Variants in EPG5 observed in about 807,000 individuals in gnomAD.
The protein encoded by EPG5 is ectopic P-granules 5 autophagy tethering factor.
EPG5 carries 159 observed loss-of-function variants against 302.7 expected under a neutral mutation model. The observed-to-expected ratio is 0.53, with a 90% CI of 0.46 to 0.60. EPG5 has a LOEUF of 0.60. EPG5 is among the 20% of genes least tolerant of loss of function. EPG5 has a pLI of 0.00. For synonymous variants in EPG5, 1,158 were observed against 1,136.8 expected, an observed-to-expected ratio of 1.02 and a Z score of -0.37; for missense variants, 2,896 against 3,092.4, an observed-to-expected ratio of 0.94 and a Z score of 1.51.
intron 1 of EPG5, among the ~76,000 whole-genome samples, chr18:45,963,263 G>A (rs756852791): frequency 7.2e-5 from 11 of 152,214 alleles, no homozygotes; most frequent in East Asian, 1.9e-4. Flanking sequence ...ACGAAGTACT[G>A]TTTAGCTGAC....
intron 42 of EPG5, among the ~76,000 whole-genome samples, chr18:45,856,285 C>A (rs758517560): frequency 2.6e-5 from 4 of 152,228 alleles, no homozygotes; most frequent in Non-Finnish European, 4.4e-5. Context: ...TGAAAAAAGT[C>A]CAACATAAGG....
intron 7 of EPG5, among the ~76,000 whole-genome samples, 170 bp from the exon 8 acceptor site, chr18:45,944,289 C>G (rs1468151715): frequency 6.6e-6 from 1 of 152,172 alleles, no homozygotes; most frequent in Non-Finnish European, 1.5e-5. Flanking sequence ...GTTCCACAGA[C>G]AGTTACACAG....
rs2049966737 is a variant in EPG5 at position 45,913,811 on chromosome 18, T to C, written c.3711A>G (p.Thr1237=). The C allele has an allele frequency of 1.2e-6, 2 of 1,614,086 alleles. No homozygotes were observed. The highest frequency in any genetic ancestry group is 1.7e-6 in the Non-Finnish European group (2 of 1,179,986). Residue 1237 remains threonine (T), a synonymous_variant, in exon 21 of 44, where the codon ACA becomes ACG. Coordinates refer to ENST00000282041, the MANE Select transcript of EPG5 (RefSeq NM_020964.3). The part of the protein sequence containing the change: ...ATPTQVWFAW[T]VLNMESIFEE... ...CAAAGATGGATTCCATGTTGAGCAC[T>C]GTCCAGGCAAACCAGACCTATAATG...
At chr18:45,950,891 AT>A (rs1374322088) in intron 4 of EPG5, among the ~76,000 whole-genome samples, 1 of 152,206 alleles carries the variant, frequency 6.6e-6, no homozygotes, top group Non-Finnish European at 1.5e-5. Flanking sequence ...ATTTAGCATA[AT>A]CTTTACTAGA....
At chr18:45,916,661 C>A (rs1417656865) in intron 17 of EPG5, 79 bp from the exon 18 acceptor site, 2 of 1,411,494 alleles carry the variant, frequency 1.4e-6, no homozygotes, top group Non-Finnish European at 1.9e-6. Flanking sequence ...TATGAGGAAA[C>A]AGAAAATTCC....
chr18:45,842,192 T>C, the EPG5 span: 1 of 1,613,372 alleles, frequency 6.2e-7, no homozygotes, highest in Non-Finnish European at 8.5e-7. Flanking sequence ...CCGTGAGGAG[T>C]CCCTCAGCCA....
chr18:45,929,135 C>T, intron 12 of EPG5, 126 bp from the exon 13 acceptor site: 1 of 950,736 alleles, frequency 1.1e-6, no homozygotes, highest in Non-Finnish European at 1.5e-6. Context: ...ACACTATGTT[C>T]CAAAAAATGT....
At chr18:45,815,502 A>G in the EPG5 span, among the ~76,000 whole-genome samples, 2 of 152,204 alleles carry the variant, frequency 1.3e-5, no homozygotes, top group Non-Finnish European at 2.9e-5. Context: ...ACAGCAACCA[A>G]GCAGAGAATC....
chr18:45,842,183 C>A, the EPG5 span: 1 of 1,613,976 alleles, frequency 6.2e-7, no homozygotes. Flanking sequence ...ATGTGCTCAC[C>A]GTGAGGAGTC....
At chr18:45,956,517 C>T (rs762377939) in intron 1 of EPG5, among the ~76,000 whole-genome samples, 4 of 151,614 alleles carry the variant, frequency 2.6e-5, no homozygotes, top group Non-Finnish European at 5.9e-5. Flanking sequence ...AGTGCAGTCA[C>T]GCAATCTCGG....
chr18:45,949,200 C>T (rs755463642), intron 5 of EPG5, among the ~76,000 whole-genome samples: 1 of 152,078 alleles, frequency 6.6e-6, no homozygotes, highest in Non-Finnish European at 1.5e-5. Flanking sequence ...GAAAAAAGTC[C>T]TGGTGAGCCT....
At position 45,922,574 on chromosome 18, in the gene EPG5, T is replaced by C. The variant is rs199541208; in HGVS notation, c.2865A>G (p.Arg955=). The C allele has an allele frequency of 2.5e-6, 4 of 1,614,104 alleles. No individual in the cohort carries two copies. Among genetic ancestry groups the C allele is most frequent in the Non-Finnish European group, 3.4e-6 (4 of 1,180,050 alleles). ...ATGAGGTCTCGGGTGTCTCTCCATA[T>C]CGAACAATACTGGCCAAATATGAAA... ...KQVSYLASIV[R]YGETPETSFN... The change falls in exon 16 of 44, where the codon CGA becomes CGG. Residue 955 remains arginine (R), a synonymous_variant. Coordinates refer to ENST00000282041, the MANE Select transcript of EPG5 (RefSeq NM_020964.3).
intron 30 of EPG5, among the ~76,000 whole-genome samples, chr18:45,883,080 TAGA>T: frequency 6.6e-6 from 1 of 152,156 alleles, no homozygotes; most frequent in East Asian, 1.9e-4. Flanking sequence ...TGTTACTATC[TAGA>T]ATCTCAGAGG....
At chr18:45,917,047 T>A (rs2050049060) in intron 17 of EPG5, among the ~76,000 whole-genome samples, 1 of 152,188 alleles carries the variant, frequency 6.6e-6, no homozygotes, top group South Asian at 2.1e-4. Flanking sequence ...GAATCCATAT[T>A]TAATAAGCTC....
chr18:45,930,026 G>A (rs900418557), intron 12 of EPG5, among the ~76,000 whole-genome samples: 4 of 152,156 alleles, frequency 2.6e-5, no homozygotes, highest in Admixed American at 6.5e-5. Context: ...AAATGTGCAA[G>A]GCTTTTTAAA....
At chr18:45,925,152 A>C (rs1034860364) in intron 14 of EPG5, among the ~76,000 whole-genome samples, 1 of 152,206 alleles carries the variant, frequency 6.6e-6, no homozygotes, top group African/African-American at 2.4e-5. Flanking sequence ...AATTAGGAGA[A>C]ACTAAAGTAA....
the EPG5 span, chr18:45,837,057 T>G: frequency 6.4e-7 from 1 of 1,562,636 alleles, no homozygotes; most frequent in Non-Finnish European, 8.8e-7. Context: ...AAATAGATAC[T>G]ACGGAGAACT....
intron 24 of EPG5, among the ~76,000 whole-genome samples, chr18:45,904,603 C>A (rs1446426774): frequency 6.6e-6 from 1 of 152,090 alleles, no homozygotes; most frequent in Non-Finnish European, 1.5e-5. Flanking sequence ...TATGGACAAA[C>A]TACTCAGTTT....
intron 37 of EPG5, 82 bp downstream of exon 37, chr18:45,867,481 A>T (rs902574526): frequency 1.5e-5 from 18 of 1,171,616 alleles, no homozygotes; most frequent in Admixed American, 1.4e-4. Context: ...CACTGGAAAA[A>T]CAAATGAAAA....
Sources: gnomAD v4.1 joint callset for allele counts (sites outside exome capture counted in the v4.1 genomes callset) on GRCh38, gnomAD v4.1.1 for gene constraint, MANE v1.5 for transcripts, NCBI Gene and HGNC (gene_info 2026-07-23, HGNC 2026-07-21) for gene names.